CCDC178: variants seen among roughly 807,000 people sequenced by gnomAD.
The protein encoded by CCDC178 is coiled-coil domain containing 178.
CCDC178 carries 126 observed loss-of-function variants against 117.4 expected under a neutral mutation model. The ratio of observed to expected loss-of-function variants is 1.07; its 90% CI spans 0.93 to 1.24. The LOEUF is 1.24. Ranked by LOEUF, CCDC178 falls within the 50% of genes most tolerant of loss-of-function variation. The probability of loss-of-function intolerance (pLI) is 0.00; values close to 1 mark genes in which losing one functional copy is unlikely to be tolerated. For synonymous variants in CCDC178, 283 were observed against 313.4 expected, an observed-to-expected ratio of 0.90 and a Z score of 1.02; for missense variants, 1,030 against 986.9, an observed-to-expected ratio of 1.04 and a Z score of -0.59.
At chr18:33,040,838 A>AGGCTTCTC (rs939224611) in intron 21 of CCDC178, among the ~76,000 whole-genome samples, 4 of 152,006 alleles carry the variant, frequency 2.6e-5, no homozygotes, top group African/African-American at 9.7e-5. Flanking sequence ...GCTGGTGAAC[A>AGGCTTCTC]GGCTTCTCCT....
chr18:33,117,864 T>C (rs1181889114), intron 20 of CCDC178, among the ~76,000 whole-genome samples: 1 of 152,030 alleles, frequency 6.6e-6, no homozygotes, highest in Non-Finnish European at 1.5e-5. Context: ...TCCTGATCAA[T>C]TGGGGTATTG....
intron 20 of CCDC178, among the ~76,000 whole-genome samples, chr18:33,166,176 T>G (rs768106502): frequency 1.5e-4 from 23 of 152,200 alleles, no homozygotes; most frequent in Non-Finnish European, 2.4e-4. Flanking sequence ...GGAAAGGGTC[T>G]TATGGATCCC....
At chr18:33,304,061 C>T (rs989027793) in intron 11 of CCDC178, among the ~76,000 whole-genome samples, 3 of 151,944 alleles carry the variant, frequency 2.0e-5, no homozygotes, top group East Asian at 3.9e-4. Flanking sequence ...ATTGTATTTC[C>T]ATGGCAAAAA....
At chr18:33,213,898 T>C (rs879848206) in intron 19 of CCDC178, among the ~76,000 whole-genome samples, 1 of 152,140 alleles carries the variant, frequency 6.6e-6, no homozygotes, top group Non-Finnish European at 1.5e-5. Flanking sequence ...CACTTGAAGA[T>C]ACACTTTCCC....
At chr18:33,019,975 T>A (rs1203402982) in intron 21 of CCDC178, among the ~76,000 whole-genome samples, 2 of 149,680 alleles carry the variant, frequency 1.3e-5, no homozygotes, top group African/African-American at 4.9e-5. Flanking sequence ...AGATAGAGTC[T>A]TACTCTCTCG....
chr18:33,104,267 A>G (rs2057671508), intron 20 of CCDC178, among the ~76,000 whole-genome samples: 2 of 151,794 alleles, frequency 1.3e-5, no homozygotes, highest in South Asian at 4.1e-4. Flanking sequence ...TAGAAATCCA[A>G]TTCTGTAACC....
At chr18:32,947,023 G>T (rs1598716820) in intron 22 of CCDC178, among the ~76,000 whole-genome samples, 2 of 151,850 alleles carry the variant, frequency 1.3e-5, no homozygotes. Context: ...CTCGTGATCC[G>T]CCCGCCTCGG....
chr18:32,974,417 AG>A (rs1442580819), intron 22 of CCDC178, 129 bp downstream of exon 22: 2 of 780,058 alleles, frequency 2.6e-6, no homozygotes, highest in African/African-American at 3.5e-5. Context: ...ATGCAATTCC[AG>A]TTTATTAAAG....
chr18:33,370,509 A>G (rs1004227326), intron 5 of CCDC178, among the ~76,000 whole-genome samples: 112 of 152,020 alleles, frequency 7.4e-4, no homozygotes, highest in Non-Finnish European at 1.3e-4. Flanking sequence ...GGCAGAAAAA[A>G]CAGTTGACCC....
intron 3 of CCDC178, among the ~76,000 whole-genome samples, chr18:33,403,278 G>A (rs752060141): frequency 3.8e-4 from 58 of 152,222 alleles, no homozygotes; most frequent in Middle Eastern, 3.4e-3. Flanking sequence ...TATCTGTTCC[G>A]CCATTAATTG....
At chr18:33,193,264 C>CAAAAAAAAAA (rs59092607) in intron 20 of CCDC178, among the ~76,000 whole-genome samples, 1 of 77,152 alleles carries the variant, frequency 1.3e-5, no homozygotes, top group Non-Finnish European at 2.2e-5. Context: ...CTCCGTCTCA[C>CAAAAAAAAAA]AAAAAAAAAA....
At chr18:33,354,627 T>TC (rs771408867) in intron 7 of CCDC178, among the ~76,000 whole-genome samples, 98 of 146,160 alleles carry the variant, frequency 6.7e-4, no homozygotes, top group East Asian at 1.6e-3. Context: ...TTTTTTTTTT[T>TC]CCAGACAGAG....
At chr18:33,339,921 A>G (rs990322515) in intron 9 of CCDC178, among the ~76,000 whole-genome samples, 10 of 152,146 alleles carry the variant, frequency 6.6e-5, no homozygotes, top group African/African-American at 2.4e-4. Context: ...ATGAACTAAT[A>G]CAGTAAATTG....
At chr18:33,046,661 C>T (rs2056648659) in intron 21 of CCDC178, among the ~76,000 whole-genome samples, 1 of 151,974 alleles carries the variant, frequency 6.6e-6, no homozygotes, top group Admixed American at 6.6e-5. Context: ...AAAATGAAGC[C>T]ATTCATGTTT....
intron 22 of CCDC178, among the ~76,000 whole-genome samples, chr18:32,953,462 A>G (rs900714018): frequency 1.3e-4 from 20 of 151,926 alleles, no homozygotes; most frequent in Admixed American, 3.9e-4. Context: ...AACTGTTCCA[A>G]CCTCTTCCTG....
At chr18:33,435,698 A>ATTATTATAATACAATAATAATAT (rs1398797540) in intron 2 of CCDC178, among the ~76,000 whole-genome samples, 5 of 150,358 alleles carry the variant, frequency 3.3e-5, no homozygotes, top group African/African-American at 7.3e-5. Flanking sequence ...AATAATATTT[A>ATTATTATAATACAATAATAATAT]TTATTATAAT....
chr18:33,115,221 G>A (rs1197504637), intron 20 of CCDC178, among the ~76,000 whole-genome samples: 3 of 151,928 alleles, frequency 2.0e-5, no homozygotes, highest in East Asian at 3.9e-4. Context: ...CCTGATGTTC[G>A]TTACTGACTT....
chr18:33,314,280 A>G (rs2062388055), intron 11 of CCDC178, among the ~76,000 whole-genome samples: 1 of 150,998 alleles, frequency 6.6e-6, no homozygotes, highest in Non-Finnish European at 1.5e-5. Flanking sequence ...CAAAGTGGTA[A>G]TAGACTAGCA....
Position 33,184,367 on chromosome 18 carries a change from G to T in CCDC178, c.2238+27529C>A, listed in dbSNP as rs184248498. On this transcript the variant is annotated intron_variant, in intron 20 of 22. Coordinates refer to ENST00000383096, the MANE Select transcript of CCDC178 (RefSeq NM_001105528.4). ...GTGTGCTACCCAAGAAGCAAACAAA[G>T]TAACGGCTACTTACAAGGAACCAAA... Among the ~76,000 whole-genome samples the T allele has an allele frequency of 3.5e-4, 53 of 152,080 alleles. 1 individual carries two copies. The Middle Eastern group carries it at 0.017, about 49-fold the overall frequency.
Sources: allele counts gnomAD v4.1 joint callset (sites outside exome capture counted in the v4.1 genomes callset), GRCh38; gene constraint gnomAD v4.1.1; transcripts MANE v1.5; gene names NCBI Gene and HGNC (gene_info 2026-07-23, HGNC 2026-07-21).